The following LMNA variants were observed in gnomAD, a reference collection of about 807,000 sequenced individuals.
The protein encoded by LMNA is lamin A/C, also known as lamin.
A neutral mutation model predicts 70.4 loss-of-function variants in LMNA; 20 were observed. The observed-to-expected ratio is 0.28, with a 90% CI of 0.20 to 0.41. LMNA has a LOEUF of 0.41. Among genes scored for constraint, LMNA ranks in the 10% least tolerant of loss-of-function variants. The pLI, the probability that LMNA is intolerant of heterozygous loss-of-function variation, is 1.00. For missense variants in LMNA, 652 were observed against 917.2 expected (o/e 0.71, Z 3.73); for synonymous variants, 339 against 372.8 (o/e 0.91, Z 1.04).
Position 156,139,376 on chromosome 1 carries a change from G to A in LMNA, c.*270G>A, listed in dbSNP as rs1651925862. ...CCTCCCTTCCTTTTCCCTGCTTCCAGGAAACTCCACATCTGCCTTAAAACC... is the reference window on the plus strand; with the variant it reads ...CCTCCCTTCCTTTTCCCTGCTTCCAAGAAACTCCACATCTGCCTTAAAACC... On this transcript the variant is annotated 3_prime_UTR_variant, in exon 12 of 12. Transcript: ENST00000368300. 2 of 1,384,816 alleles carry A rather than the reference G, an allele frequency of 1.4e-6. No individual in the cohort carries two copies. The highest frequency in any genetic ancestry group is 1.5e-5 in the African/African-American group (1 of 68,146). 85.8% of individuals were successfully genotyped at this position (1,384,816 alleles called of 1,614,324 possible).
chr1:156,104,409 C>T (rs191006264), intron 3 of LMNA, among the ~76,000 whole-genome samples: 4 of 152,250 alleles, frequency 2.6e-5, no homozygotes, highest in African/African-American at 9.6e-5. Context: ...GAGGTAGTTG[C>T]CCCCTCCTCA....
intron 2 of LMNA, among the ~76,000 whole-genome samples, chr1:156,132,038 A>G (rs2430416): frequency 0.11 from 16,343 of 152,078 alleles, 1,632 homozygotes; most frequent in African/African-American, 0.26. Flanking sequence ...GCGTGGTGGC[A>G]CACACCTGTA....
At chr1:156,128,805 C>T in intron 1 of LMNA, among the ~76,000 whole-genome samples, 1 of 152,204 alleles carries the variant, frequency 6.6e-6, no homozygotes, top group South Asian at 2.1e-4. Context: ...TTCTGAGAGC[C>T]TCCTAGTACA....
intron 2 of LMNA, among the ~76,000 whole-genome samples, chr1:156,084,328 C>CG (rs60777722): frequency 1.0e-3 from 95 of 90,778 alleles, no homozygotes; most frequent in Middle Eastern, 6.0e-3. Context: ...CTCAGAAGGT[C>CG]GGGGGGTGGT....
chr1:156,137,269 G>T lies in LMNA; in HGVS notation c.1608+37G>T. 4 of 1,543,842 alleles carry T rather than the reference G, an allele frequency of 2.6e-6. No homozygotes were observed. The highest frequency in any genetic ancestry group is 3.5e-6 in the Non-Finnish European group (4 of 1,149,756). The stretch of plus-strand genomic sequence containing the variant: ...TGGGCCTGGCTGCTTGCTGGACGAG[G>T]CTCCCCCTGATGGCCAACATCGGAG... On this transcript the variant is annotated intron_variant, in intron 9 of 11. Transcript: ENST00000368300. The surrounding 1 kb of genome is among the most constrained non-coding windows in gnomAD (Gnocchi z 4.6).
At chr1:156,128,240 C>G (rs1650761691) in intron 1 of LMNA, among the ~76,000 whole-genome samples, 1 of 152,128 alleles carries the variant, frequency 6.6e-6, no homozygotes, top group Non-Finnish European at 1.5e-5. Context: ...ATTATTATCA[C>G]TGCCACCACC....
chr1:156,113,636 C>T (rs1649623583), upstream of LMNA, among the ~76,000 whole-genome samples: 1 of 152,068 alleles, frequency 6.6e-6, no homozygotes, highest in South Asian at 2.1e-4. Flanking sequence ...TTCTTGCCCC[C>T]CACTACCTTC....
intron 3 of LMNA, among the ~76,000 whole-genome samples, chr1:156,097,250 G>C (rs1648971902): frequency 6.6e-6 from 1 of 152,182 alleles, no homozygotes; most frequent in Admixed American, 6.5e-5. Flanking sequence ...TGGGTCCCCA[G>C]GGCCCGCAAG....
rs913724864 is a variant in LMNA, at chr1:156,132,662, G to A, written c.514-1741G>A. 2.6e-5 allele frequency among the ~76,000 whole-genome samples: 4 copies of A among 151,870 alleles called. No homozygotes were observed. The East Asian group carries it at 7.8e-4, about 29-fold the overall frequency. On this transcript the variant is annotated intron_variant, in intron 2 of 11. Transcript: ENST00000368300. ...TCATAGTATACCAGGGAAAGACCTG[G>A]AGAAGCCAGCAGGTTGACCACCGAA...
Position 156,134,608 on chromosome 1 carries a change from G to A in LMNA, c.639+80G>A, listed in dbSNP as rs1651370276. On this transcript the variant is annotated intron_variant, in intron 3 of 11. Transcript: ENST00000368300. This position sits in a 1 kb window ranked among gnomAD's most constrained non-coding sequence, Gnocchi z 5.3. ...GGCTGGGCTAGGGGGGACCAGCTGT[G>A]TGCAGAGCTCGCCTTCCTGAGTCCC... is the stretch of plus-strand genomic sequence containing the variant. 1 of 1,598,694 alleles carries A rather than the reference G, an allele frequency of 6.3e-7. No homozygotes were observed. The highest frequency in any genetic ancestry group is 1.3e-5 in the African/African-American group (1 of 74,564).
chr1:156,114,984 G>A lies in LMNA; in HGVS notation c.66G>A (p.Ser22=). The A allele has an allele frequency of 6.3e-7, 1 of 1,596,268 alleles. No individual in the cohort carries two copies. Among genetic ancestry groups the A allele is most frequent in the South Asian group, 1.1e-5 (1 of 88,182 alleles). The change falls in exon 1 of 12, where the codon TCG becomes TCA. Residue 22 remains serine (S), a synonymous_variant. Transcript: ENST00000368300. ...CGCAGGCCAGCTCCACTCCGCTGTC[G>A]CCCACCCGCATCACCCGGCTGCAGG... The part of the protein sequence containing the change: ...SGAQASSTPL[S]PTRITRLQEK...
rs1651849029 is a variant in LMNA at position 156,138,409 on chromosome 1, C to A, written c.1699-79C>A. ...TTCCTGCCTGGCGGCTGGGAGCCTGCAGGAGCCTGGAGCCTGGTTGGGCCT... is the reference window on the plus strand; with the variant it reads ...TTCCTGCCTGGCGGCTGGGAGCCTGAAGGAGCCTGGAGCCTGGTTGGGCCT... On this transcript the variant is annotated intron_variant, in intron 10 of 11. Transcript: ENST00000368300. The surrounding 1 kb of genome is among the most constrained non-coding windows in gnomAD (Gnocchi z 5.5). 2.0e-6 allele frequency: 3 copies of A among 1,504,106 alleles called. No individual in the cohort carries two copies. The highest frequency in any genetic ancestry group is 2.7e-6 in the Non-Finnish European group (3 of 1,106,332). The allele number at this position is 1,504,106 out of a possible 1,614,324, so 93.2% of individuals were successfully genotyped here.
At chr1:156,091,544 G>A (rs1034375445) in intron 3 of LMNA, among the ~76,000 whole-genome samples, 2 of 152,140 alleles carry the variant, frequency 1.3e-5, no homozygotes, top group African/African-American at 4.8e-5. Flanking sequence ...AGAGGTTGCG[G>A]TAAGCCAAGA....
upstream of LMNA, among the ~76,000 whole-genome samples, chr1:156,114,392 C>T (rs1391163513): frequency 6.6e-6 from 1 of 152,204 alleles, no homozygotes; most frequent in Non-Finnish European, 1.5e-5. Flanking sequence ...CCCTCTCTTT[C>T]TCCCCGACCC....
At chr1:156,133,109 G>A (rs532336375) in intron 2 of LMNA, among the ~76,000 whole-genome samples, 1 of 151,816 alleles carries the variant, frequency 6.6e-6, no homozygotes, top group South Asian at 2.1e-4. Flanking sequence ...CAAAGTGCTG[G>A]GATTACAGGC....
Position 156,139,392 on chromosome 1 carries a change from C to A in LMNA, c.*286C>A. On this transcript the variant is annotated 3_prime_UTR_variant, in exon 12 of 12. Coordinates refer to ENST00000368300, the MANE Select transcript of LMNA (RefSeq NM_170707.4). The stretch of plus-strand genomic sequence containing the variant: ...CTGCTTCCAGGAAACTCCACATCTG[C>A]CTTAAAACCAAAGAGGGCTTCCTCT... 7.3e-7 allele frequency: 1 copy of A among 1,377,204 alleles called. No individual in the cohort carries two copies. Among genetic ancestry groups the A allele is most frequent in the Non-Finnish European group, 9.4e-7 (1 of 1,069,082 alleles). The allele number at this position is 1,377,204 out of a possible 1,614,324, so 85.3% of individuals were successfully genotyped here.
Position 156,136,887 on chromosome 1 carries a change from TC to T in LMNA, c.1381-30del. The T allele has an allele frequency of 6.3e-7, 1 of 1,584,806 alleles. No homozygotes were observed. Among genetic ancestry groups the T allele is most frequent in the Non-Finnish European group, 8.6e-7 (1 of 1,160,022 alleles). On this transcript the variant is annotated intron_variant, in intron 7 of 11. Transcript: ENST00000368300. The surrounding 1 kb of genome is among the most constrained non-coding windows in gnomAD (Gnocchi z 6.1). ...ATACACCCAAGAGCCTGGGTGAGCC[TC>T]CCCGACCTTCCTCTTCCCTATCTTC...
Position 156,134,504 on chromosome 1 carries a change from C to T in LMNA, c.615C>T (p.Asp205=), listed in dbSNP as rs1651353830. 2 of 1,614,156 alleles carry T rather than the reference C, an allele frequency of 1.2e-6. No homozygotes were observed. The highest frequency in any genetic ancestry group is 1.7e-6 in the Non-Finnish European group (2 of 1,180,042). Residue 205 remains aspartate (D), a synonymous_variant, in exon 3 of 12, where the codon GAC becomes GAT. Transcript: ENST00000368300. The surrounding 1 kb of genome is among the most constrained non-coding windows in gnomAD (Gnocchi z 5.3). The stretch of plus-strand genomic sequence containing the variant: ...TGCAGACCATGAAGGAGGAACTGGA[C>T]TTCCAGAAGAACATCTACAGTGAGG... The part of the protein sequence containing the change: ...NRLQTMKEEL[D]FQKNIYSEEL...
chr1:156,108,684 T>G (rs773518299), intron 3 of LMNA, among the ~76,000 whole-genome samples: 3 of 151,978 alleles, frequency 2.0e-5, no homozygotes, highest in Non-Finnish European at 4.4e-5. Flanking sequence ...GAGAATCGCT[T>G]GAATTCAGGA....
Sources: allele counts gnomAD v4.1 joint callset (sites outside exome capture counted in the v4.1 genomes callset), GRCh38; gene constraint gnomAD v4.1.1; non-coding constraint Gnocchi (gnomAD v3.1); transcripts MANE v1.5; gene names NCBI Gene and HGNC (gene_info 2026-07-23, HGNC 2026-07-21).